The following NAV3 variants were observed in gnomAD, a reference collection of about 807,000 sequenced individuals.
NAV3 encodes pore membrane and/or filament interacting like protein 1.
Under a neutral mutation model 244.7 loss-of-function variants are expected in NAV3, and 87 were observed. That is an observed-to-expected ratio of 0.36 (90% confidence interval 0.30 to 0.42). The LOEUF (loss-of-function observed/expected upper bound fraction) is 0.42. Among genes scored for constraint, NAV3 ranks in the 20% least tolerant of loss-of-function variants. The probability of loss-of-function intolerance (pLI) is 1.00; values close to 1 mark genes in which losing one functional copy is unlikely to be tolerated. For synonymous variants in NAV3, 1,126 were observed against 1,042.2 expected (o/e 1.08, Z -1.55); for missense variants, 2,663 against 2,893.3 (o/e 0.92, Z 1.83).
chr12:77,867,939 C>G (rs1880330232), intron 1 of NAV3, among the ~76,000 whole-genome samples: 1 of 152,090 alleles, frequency 6.6e-6, no homozygotes, highest in Admixed American at 6.5e-5. Context: ...GAGTAAATCA[C>G]TAGGGAGGAT....
chr12:77,970,722 GT>G (rs924168750), intron 5 of NAV3, among the ~76,000 whole-genome samples: 1 of 152,048 alleles, frequency 6.6e-6, no homozygotes, highest in Non-Finnish European at 1.5e-5. Flanking sequence ...TTTCTTGGAT[GT>G]TTGTAAGCAT....
At chr12:77,903,830 T>C (rs1258490505) in intron 1 of NAV3, among the ~76,000 whole-genome samples, 3 of 151,916 alleles carry the variant, frequency 2.0e-5, no homozygotes, top group Non-Finnish European at 4.4e-5. Context: ...AAAAAGTGGG[T>C]GAAGGATATG....
At chr12:77,893,935 A>G (rs1884260942) in intron 1 of NAV3, among the ~76,000 whole-genome samples, 1 of 152,216 alleles carries the variant, frequency 6.6e-6, no homozygotes, top group Non-Finnish European at 1.5e-5. Context: ...TAAAGCCCAA[A>G]GTGTATTCAT....
chr12:77,606,123 G>T (rs1870661370), intron 2 of NAV3, among the ~76,000 whole-genome samples: 1 of 152,132 alleles, frequency 6.6e-6, no homozygotes, highest in South Asian at 2.1e-4. Context: ...CTTGGTAATG[G>T]CTTAAGAGTT....
chr12:77,785,450 T>G (rs7295220), intron 2 of NAV3, among the ~76,000 whole-genome samples: 4,030 of 152,182 alleles, frequency 0.026, 188 homozygotes, highest in African/African-American at 0.09. Context: ...GACAGATGTC[T>G]TCCTAAGAGG....
At position 77,912,904 on chromosome 12, in the gene NAV3, G is replaced by A. The variant is rs41331145; in HGVS notation, c.244-27415G>A. 3.5e-3 allele frequency among the ~76,000 whole-genome samples: 536 copies of A among 152,148 alleles called. 4 individuals are homozygous for A. The highest frequency in any genetic ancestry group is 0.012 in the African/African-American group (495 of 41,518). On this transcript the variant is annotated intron_variant, in intron 1 of 39. Coordinates refer to ENST00000397909, the MANE Select transcript of NAV3 (RefSeq NM_001024383.2). ...TGGGATTACAGATGTGAGCCATGCC[G>A]TTTTACATGCATTTTTCAAGAACTG...
In NAV3 at chr12:77,831,203, G is replaced by GAGAGAGAGAGAGAC; in HGVS notation, c.-246_-245insCAGAGAGAGAGAGA. 7.6e-6 allele frequency: 1 copy of GAGAGAGAGAGAGAC among 130,794 alleles called. No individual in the cohort carries two copies. The highest frequency in any genetic ancestry group is 1.7e-5 in the Non-Finnish European group (1 of 59,886). 8.1% of individuals were successfully genotyped at this position (130,794 alleles called of 1,614,324 possible). A position where few individuals can be genotyped will look rare whatever the true frequency, so the allele number is the denominator to read the frequency against. ...AGAGAGAGAGAGAGAGACAGAGAGA[G>GAGAGAGAGAGAGAC]AGAGAGAGAGAGAGAAAGAGAGAGA... is the stretch of plus-strand genomic sequence containing the variant. On this transcript the variant is annotated 5_prime_UTR_variant, in exon 1 of 40. Transcript: ENST00000397909.
At chr12:78,044,312 C>A (rs976718435) in intron 9 of NAV3, among the ~76,000 whole-genome samples, 2 of 152,140 alleles carry the variant, frequency 1.3e-5, no homozygotes, top group Admixed American at 1.3e-4. Context: ...GTACCAGTAC[C>A]ATGCTGTTTT....
intron 2 of NAV3, among the ~76,000 whole-genome samples, chr12:77,735,070 G>GCTCT (rs914535348): frequency 7.9e-5 from 12 of 152,062 alleles, no homozygotes; most frequent in Non-Finnish European, 1.2e-4. Flanking sequence ...CTGTGTATAG[G>GCTCT]CTCTTACATA....
At chr12:78,157,200 G>C (rs561206086) in intron 22 of NAV3, among the ~76,000 whole-genome samples, 1 of 151,920 alleles carries the variant, frequency 6.6e-6, no homozygotes, top group Non-Finnish European at 1.5e-5. Flanking sequence ...ATAAGTCAGG[G>C]GGCTGTTTTC....
At chr12:78,149,515 A>T (rs962863483) in intron 22 of NAV3, among the ~76,000 whole-genome samples, 3 of 152,078 alleles carry the variant, frequency 2.0e-5, no homozygotes, top group African/African-American at 7.2e-5. Context: ...TTAAATTAAC[A>T]TTTACTGAAT....
intron 2 of NAV3, among the ~76,000 whole-genome samples, chr12:77,657,844 C>T (rs1471074934): frequency 6.6e-6 from 1 of 152,106 alleles, no homozygotes; most frequent in African/African-American, 2.4e-5. Flanking sequence ...TAAACAGAAC[C>T]AAAGACAAAA....
At chr12:78,175,991 A>T (rs1958207036) in intron 25 of NAV3, among the ~76,000 whole-genome samples, 1 of 152,042 alleles carries the variant, frequency 6.6e-6, no homozygotes, top group African/African-American at 2.4e-5. Flanking sequence ...CACCTTTGGA[A>T]TCGACAGGGC....
intron 1 of NAV3, among the ~76,000 whole-genome samples, chr12:77,909,261 T>C (rs1194437820): frequency 1.3e-5 from 2 of 152,104 alleles, no homozygotes; most frequent in Non-Finnish European, 2.9e-5. Flanking sequence ...TCTTAACATA[T>C]GTAGTAGAGA....
intron 2 of NAV3, among the ~76,000 whole-genome samples, chr12:77,603,259 TAAAG>T (rs997338115): frequency 4.6e-5 from 7 of 151,980 alleles, no homozygotes; most frequent in African/African-American, 1.7e-4. Context: ...TAATAAGTAA[TAAAG>T]AGAGAGCAAA....
chr12:77,926,824 C>T (rs753473925), intron 1 of NAV3, among the ~76,000 whole-genome samples: 45 of 152,296 alleles, frequency 3.0e-4, no homozygotes, highest in Admixed American at 2.7e-3. Flanking sequence ...CTACGGTCTA[C>T]GCTAAACCAA....
chr12:77,673,357 CTTA>C (rs1490662698), intron 2 of NAV3, among the ~76,000 whole-genome samples: 2 of 152,038 alleles, frequency 1.3e-5, no homozygotes, highest in African/African-American at 2.4e-5. Context: ...ATAGCAATTT[CTTA>C]TTATAGTATA....
At chr12:77,587,152 T>A (rs754609991) in intron 2 of NAV3, among the ~76,000 whole-genome samples, 1 of 152,194 alleles carries the variant, frequency 6.6e-6, no homozygotes, top group Non-Finnish European at 1.5e-5. Flanking sequence ...TATCATAAAT[T>A]ATTATCTATA....
intron 2 of NAV3, among the ~76,000 whole-genome samples, chr12:77,647,861 T>C (rs760295448): frequency 7.9e-5 from 12 of 152,074 alleles, no homozygotes; most frequent in Admixed American, 5.9e-4. Context: ...TCCTATAACA[T>C]ATAAAATAAA....
Sources: gnomAD v4.1 joint callset for allele counts (sites outside exome capture counted in the v4.1 genomes callset) on GRCh38, gnomAD v4.1.1 for gene constraint, MANE v1.5 for transcripts, NCBI Gene and HGNC (gene_info 2026-07-23, HGNC 2026-07-21) for gene names.